The following XPNPEP1 variants were observed in gnomAD, a reference collection of about 807,000 sequenced individuals.
The protein encoded by XPNPEP1 is xaa-Pro aminopeptidase 1.
XPNPEP1 carries 39 observed loss-of-function variants against 92.4 expected under a neutral mutation model. The ratio of observed to expected loss-of-function variants is 0.42; its 90% CI spans 0.33 to 0.55. XPNPEP1 has a LOEUF of 0.55. Ranked by LOEUF, XPNPEP1 falls within the 20% of genes least tolerant of loss-of-function variation. The probability of loss-of-function intolerance (pLI) is 0.08; values close to 1 mark genes in which losing one functional copy is unlikely to be tolerated. For synonymous variants in XPNPEP1, 307 were observed against 299.4 expected, an observed-to-expected ratio of 1.03 and a Z score of -0.26; for missense variants, 654 against 856.1, an observed-to-expected ratio of 0.76 and a Z score of 2.95.
At chr10:109,869,508 A>C (rs1847325664) in intron 19 of XPNPEP1, among the ~76,000 whole-genome samples, 1 of 152,132 alleles carries the variant, frequency 6.6e-6, no homozygotes, top group Admixed American at 6.5e-5. Flanking sequence ...GTGTGACAAA[A>C]TTACAGCTTC....
intron 3 of XPNPEP1, among the ~76,000 whole-genome samples, chr10:109,906,312 C>A (rs558908453): frequency 6.6e-6 from 1 of 152,268 alleles, no homozygotes; most frequent in South Asian, 2.1e-4. Flanking sequence ...GATTAAGGTT[C>A]TAGTTCAATC....
intron 1 of XPNPEP1, among the ~76,000 whole-genome samples, chr10:109,918,935 AAG>A (rs1474061842): frequency 1.3e-5 from 2 of 151,764 alleles, no homozygotes; most frequent in East Asian, 3.9e-4. Flanking sequence ...AAAAAAGAAA[AAG>A]AACGAAAAGG....
rs116170181 is a variant in XPNPEP1 at position 109,871,090 on chromosome 10, C to A, written c.1523-186G>T. 1,415 of 620,454 alleles carry A rather than the reference C, an allele frequency of 2.3e-3. 17 individuals carry two copies. The African/African-American group carries it at 0.024, about 10-fold the overall frequency. The allele number at this position is 620,454 out of a possible 1,614,324, so 38.4% of individuals were successfully genotyped here. On this transcript the variant is annotated intron_variant, in intron 17 of 20. Transcript: ENST00000502935. ...TCCTGAGAAACCATCAGAGCTCAGT[C>A]TGAAGCTAGGCGATCATCCATTCAG...
intron 5 of XPNPEP1, among the ~76,000 whole-genome samples, chr10:109,889,227 G>A (rs1311710911): frequency 6.6e-6 from 1 of 152,252 alleles, no homozygotes; most frequent in Non-Finnish European, 1.5e-5. Context: ...TCTGAAGACA[G>A]AGTCTCACTC....
rs564764065 is a variant in XPNPEP1, at chr10:109,877,735, A to G, written c.1319+55T>C. ...GTAAAATAATGTCTCTCCCCTGCTC[A>G]GGCTCCTGTGCAGAAGCAGCAAGGC... On this transcript the variant is annotated intron_variant, in intron 14 of 20. Transcript: ENST00000502935. 64 of 1,607,030 alleles carry G rather than the reference A, an allele frequency of 4.0e-5. No individual in the cohort carries two copies. In the East Asian group the frequency reaches 6.5e-4, roughly 16 times the overall value.
chr10:109,901,762 G>GT (rs1408274093), intron 3 of XPNPEP1, among the ~76,000 whole-genome samples: 1 of 152,224 alleles, frequency 6.6e-6, no homozygotes, highest in East Asian at 1.9e-4. Flanking sequence ...ACTTGGGTAC[G>GT]TGAGTCCACC....
intron 3 of XPNPEP1, among the ~76,000 whole-genome samples, chr10:109,905,406 C>T (rs1455019337): frequency 2.0e-5 from 3 of 152,084 alleles, no homozygotes; most frequent in African/African-American, 7.2e-5. Flanking sequence ...GATGGGGTTT[C>T]ACCATGTTGG....
At chr10:109,923,341 G>A in intron 1 of XPNPEP1, 61 bp downstream of exon 1, 3 of 1,383,664 alleles carry the variant, frequency 2.2e-6, no homozygotes, top group Non-Finnish European at 2.8e-6. Context: ...TGCAACACGC[G>A]CGGCCGCGCA....
At chr10:109,918,911 GGAAGGA>G (rs1850367228) in intron 1 of XPNPEP1, among the ~76,000 whole-genome samples, 1 of 105,180 alleles carries the variant, frequency 9.5e-6, no homozygotes, top group African/African-American at 3.5e-5. Flanking sequence ...AAGGAAGGAA[GGAAGGA>G]GAGAGAGAAA....
intron 16 of XPNPEP1, among the ~76,000 whole-genome samples, chr10:109,872,385 T>C (rs551038157): frequency 6.6e-5 from 10 of 152,330 alleles, no homozygotes; most frequent in African/African-American, 2.4e-4. Context: ...ACCACCATCC[T>C]ATCTTCAGGG....
At chr10:109,877,549 T>A in intron 14 of XPNPEP1, 1 of 533,148 alleles carries the variant, frequency 1.9e-6, no homozygotes, top group Non-Finnish European at 3.3e-6. Context: ...GGGACACCCA[T>A]CTGACTACCC....
chr10:109,909,424 T>A (rs1849741489), intron 2 of XPNPEP1, among the ~76,000 whole-genome samples: 1 of 152,154 alleles, frequency 6.6e-6, no homozygotes, highest in South Asian at 2.1e-4. Context: ...AATATAAAAC[T>A]AATTAAAATG....
intron 11 of XPNPEP1, 121 bp from the exon 12 acceptor site, chr10:109,880,359 C>T (rs1242918091): frequency 1.0e-6 from 1 of 1,001,954 alleles, no homozygotes; most frequent in African/African-American, 1.6e-5. Flanking sequence ...TCATCAGCAA[C>T]CAGAGCTTTA....
rs1359695421 is a variant in XPNPEP1, at chr10:109,867,704, T to C, written c.1872+910A>G. 6.6e-6 allele frequency among the ~76,000 whole-genome samples: 1 copy of C among 152,238 alleles called. No homozygotes were observed. The highest frequency in any genetic ancestry group is 1.5e-5 in the Non-Finnish European group (1 of 68,050). ...GCCTTGAGAGGCACTCAAAGGCCAT[T>C]GGCTGCCTCAGATAACAAAATATTC... On this transcript the variant is annotated intron_variant, in intron 20 of 20. Coordinates refer to ENST00000502935, the MANE Select transcript of XPNPEP1 (RefSeq NM_020383.4). The surrounding 1 kb of genome is among the most constrained non-coding windows in gnomAD (Gnocchi z 4.5).
chr10:109,882,408 A>G lies in XPNPEP1; in HGVS notation c.1041+24T>C, dbSNP rs750414876. 3.7e-6 allele frequency: 6 copies of G among 1,603,034 alleles called. No individual in the cohort carries two copies. The East Asian group carries it at 1.3e-4, about 36-fold the overall frequency. On this transcript the variant is annotated intron_variant, in intron 10 of 20. Coordinates refer to ENST00000502935, the MANE Select transcript of XPNPEP1 (RefSeq NM_020383.4). The stretch of plus-strand genomic sequence containing the variant: ...CTGGGAAGGGGGTGGCAGAGTTTAG[A>G]TGGGCCAAAGTGGGGTCACCAACCT...
chr10:109,880,089 T>C (rs1848006136), intron 12 of XPNPEP1, 99 bp downstream of exon 12: 2 of 1,211,184 alleles, frequency 1.7e-6, no homozygotes, highest in Non-Finnish European at 2.4e-6. Flanking sequence ...ATCTCAGATC[T>C]CATGGTCAGC....
At chr10:109,913,920 C>A (rs976836813) in intron 2 of XPNPEP1, among the ~76,000 whole-genome samples, 2 of 151,976 alleles carry the variant, frequency 1.3e-5, no homozygotes, top group Non-Finnish European at 2.9e-5. Flanking sequence ...CTTTTTCCTC[C>A]TTCCTCTGCT....
At chr10:109,888,440 A>G in intron 6 of XPNPEP1, 63 bp downstream of exon 6, 1 of 1,478,968 alleles carries the variant, frequency 6.8e-7, no homozygotes, top group East Asian at 2.3e-5. Flanking sequence ...GCAAATGAGG[A>G]GAATGGAGGG....
At chr10:109,874,721 C>T (rs966661474) in intron 15 of XPNPEP1, among the ~76,000 whole-genome samples, 1 of 152,114 alleles carries the variant, frequency 6.6e-6, no homozygotes, top group Non-Finnish European at 1.5e-5. Context: ...AGGCCGAGAC[C>T]GGCGGATCAC....
Sources: allele counts gnomAD v4.1 joint callset (sites outside exome capture counted in the v4.1 genomes callset), GRCh38; gene constraint gnomAD v4.1.1; non-coding constraint Gnocchi (gnomAD v3.1); transcripts MANE v1.5; gene names NCBI Gene and HGNC (gene_info 2026-07-23, HGNC 2026-07-21).